The following FBXL16 variants were observed in gnomAD, a reference collection of about 807,000 sequenced individuals.
The protein encoded by FBXL16 is F-box and leucine rich repeat protein 16.
A neutral mutation model predicts 36.7 loss-of-function variants in FBXL16; 7 were observed. The observed-to-expected ratio is 0.19, with a 90% CI of 0.11 to 0.36. The LOEUF (loss-of-function observed/expected upper bound fraction) is 0.36, where lower values mean the gene tolerates loss of function less well. FBXL16 is among the 10% of genes least tolerant of loss of function. FBXL16 has a pLI of 1.00. For synonymous variants in FBXL16, 355 were observed against 308.7 expected, an observed-to-expected ratio of 1.15 and a Z score of -1.57; for missense variants, 463 against 659.4, an observed-to-expected ratio of 0.70 and a Z score of 3.26.
At chr16:704,503 C>A (rs1375086428) in intron 1 of FBXL16, among the ~76,000 whole-genome samples, 1 of 152,198 alleles carries the variant, frequency 6.6e-6, no homozygotes, top group African/African-American at 2.4e-5. Context: ...CCTGTGTCCA[C>A]CTCTGGCCAG....
At chr16:704,412 G>A (rs1302287833) in intron 1 of FBXL16, among the ~76,000 whole-genome samples, 1 of 152,140 alleles carries the variant, frequency 6.6e-6, no homozygotes, top group Non-Finnish European at 1.5e-5. Context: ...TGGGGCAAGT[G>A]AGTCCTAGGG....
intron 2 of FBXL16, among the ~76,000 whole-genome samples, chr16:696,363 C>T (rs891324844): frequency 8.5e-5 from 13 of 152,130 alleles, no homozygotes; most frequent in Middle Eastern, 3.2e-3. Flanking sequence ...CGGGTTCAAG[C>T]GATTCTCCTG....
rs185022911 is a variant in FBXL16 at position 703,688 on chromosome 16, G to T, written c.-15+1824C>A. 9.4e-4 allele frequency among the ~76,000 whole-genome samples: 143 copies of T among 152,372 alleles called. 1 individual carries two copies. The highest frequency in any genetic ancestry group is 3.2e-3 in the African/African-American group (135 of 41,588). On this transcript the variant is annotated intron_variant, in intron 1 of 5. Transcript: ENST00000397621. Reference sequence around the variant, plus strand: ...GCCCCCAGTTTGAGATGCTTCTGGGGGTGCACCAGGGGCTCTGAGGAGGGG... The same window carrying T: ...GCCCCCAGTTTGAGATGCTTCTGGGTGTGCACCAGGGGCTCTGAGGAGGGG...
At chr16:694,929 G>A (rs539096605) in intron 4 of FBXL16, 63 bp downstream of exon 4, 118 of 1,456,144 alleles carry the variant, frequency 8.1e-5, no homozygotes, top group Middle Eastern at 4.0e-4. Flanking sequence ...GTGGGGCCGG[G>A]AGCTCTCCCC....
At chr16:704,920 C>T (rs2040080752) in intron 1 of FBXL16, among the ~76,000 whole-genome samples, 1 of 152,224 alleles carries the variant, frequency 6.6e-6, no homozygotes, top group South Asian at 2.1e-4. Context: ...GGACACCGGA[C>T]CCCTCCCGAG....
In FBXL16 at chr16:694,355, GCTCCAGCTC is replaced by G. The variant is rs1326199813; in HGVS notation, c.1351_1359del (p.Glu451_Glu453del). 6.5e-7 allele frequency: 1 copy of G among 1,536,218 alleles called. No homozygotes were observed. The highest frequency in any genetic ancestry group is 8.7e-7 in the Non-Finnish European group (1 of 1,150,762). On this transcript the variant is annotated inframe_deletion, in exon 6 of 6. Transcript: ENST00000397621. ...GGGGTGGCCCCGGGGCAGTTGGTCA[GCTCCAGCTC>G]CTCCAGCTCCTGCAGCTGCACCAGG...
rs1467353885 is a variant in FBXL16 at position 695,879 on chromosome 16, C to G, written c.678G>C (p.Ser226=). 6 of 1,601,750 alleles carry G rather than the reference C, an allele frequency of 3.7e-6. No homozygotes were observed. The highest frequency in any genetic ancestry group is 3.3e-5 in the Admixed American group (2 of 59,738). The change falls in exon 3 of 6, where the codon TCG becomes TCC. Residue 226 remains serine (S), a synonymous_variant. Transcript: ENST00000397621. ...QMQGVVRLEL[S]GCNDFTEAGL... ...CGGCCTCGGTGAAGTCGTTGCAGCC[C>G]GACAGCTCCAGACGCACCACGCCCT... is the stretch of plus-strand genomic sequence containing the variant.
intron 2 of FBXL16, 106 bp from the exon 3 acceptor site, chr16:696,029 T>G (rs1030364303): frequency 7.0e-7 from 1 of 1,429,350 alleles, no homozygotes. Flanking sequence ...CTGAAAACAT[T>G]TGGCAGTGTG....
chr16:694,098 A>C lies in FBXL16; in HGVS notation c.*177T>G. Reference sequence around the variant, plus strand: ...CCCCCCTGCCCGGGGCGGGGCTGGGAGGGCGGAGGGACCGAAGGTCGGGGA... The same window carrying C: ...CCCCCCTGCCCGGGGCGGGGCTGGGCGGGCGGAGGGACCGAAGGTCGGGGA... On this transcript the variant is annotated 3_prime_UTR_variant, in exon 6 of 6. Transcript: ENST00000397621. 4 of 302,140 alleles carry C rather than the reference A, an allele frequency of 1.3e-5. No individual in the cohort carries two copies. Among genetic ancestry groups the C allele is most frequent in the Non-Finnish European group, 1.2e-5 (2 of 166,378 alleles). 18.7% of individuals were successfully genotyped at this position (302,140 alleles called of 1,614,324 possible).
intron 1 of FBXL16, among the ~76,000 whole-genome samples, chr16:700,839 T>C (rs917963741): frequency 1.3e-5 from 2 of 152,034 alleles, no homozygotes; most frequent in African/African-American, 4.8e-5. Flanking sequence ...AGGCCCGGGC[T>C]GGCTTCCACC....
Position 697,363 on chromosome 16 carries a change from A to G in FBXL16, c.43T>C (p.Leu15=). 1.3e-6 allele frequency: 2 copies of G among 1,537,148 alleles called. No individual in the cohort carries two copies. Among genetic ancestry groups the G allele is most frequent in the Non-Finnish European group, 8.7e-7 (1 of 1,147,778 alleles). The part of the protein sequence containing the change: ...GIDGDPKPPC[L]PRNGLVKLPG... ...AGCTTCACCAGACCGTTTCGAGGCA[A>G]GCATGGAGGCTTGGGGTCGCCGTCG... Residue 15 remains leucine, a synonymous_variant, in exon 2 of 6, where the codon TTG becomes CTG. Transcript: ENST00000397621. This position sits in a 1 kb window ranked among gnomAD's most constrained non-coding sequence, Gnocchi z 4.6.
Position 697,457 on chromosome 16 carries a change from C to T in FBXL16, c.-14-38G>A, listed in dbSNP as rs2040023113. On this transcript the variant is annotated intron_variant, in intron 1 of 5. Transcript: ENST00000397621. This position sits in a 1 kb window ranked among gnomAD's most constrained non-coding sequence, Gnocchi z 4.6. ...GCCGGGAGGGGGAGTGAGTCTGTTG[C>T]TGAGTCTGGAAGGCCGGGGTTGGGG... is the stretch of plus-strand genomic sequence containing the variant. The T allele has an allele frequency of 1.3e-6, 2 of 1,493,780 alleles. No individual in the cohort carries two copies. Among genetic ancestry groups the T allele is most frequent in the Non-Finnish European group, 1.8e-6 (2 of 1,124,142 alleles). 92.5% of individuals were successfully genotyped at this position (1,493,780 alleles called of 1,614,324 possible).
chr16:699,610 C>T (rs2040041192), intron 1 of FBXL16, among the ~76,000 whole-genome samples: 1 of 152,182 alleles, frequency 6.6e-6, no homozygotes, highest in Non-Finnish European at 1.5e-5. Flanking sequence ...ATAGCAAGGT[C>T]TGGGAGAGTG....
At chr16:703,330 C>T (rs765369626) in intron 1 of FBXL16, among the ~76,000 whole-genome samples, 1 of 152,222 alleles carries the variant, frequency 6.6e-6, no homozygotes, top group African/African-American at 2.4e-5. Context: ...TCAGCGCCCC[C>T]AGTTTGAAGG....
At chr16:703,895 C>T (rs756005946) in intron 1 of FBXL16, among the ~76,000 whole-genome samples, 70 of 152,256 alleles carry the variant, frequency 4.6e-4, no homozygotes, top group Admixed American at 2.9e-3. Context: ...CCCTCAGAGG[C>T]GAGGCCTGGG....
At chr16:695,206 T>C in intron 3 of FBXL16, 130 bp from the exon 4 acceptor site, 1 of 1,184,212 alleles carries the variant, frequency 8.4e-7, no homozygotes, top group South Asian at 1.5e-5. Context: ...CCCTCCTCGC[T>C]CCCACCCACC....
intron 1 of FBXL16, among the ~76,000 whole-genome samples, chr16:701,066 G>C (rs1424091698): frequency 6.6e-6 from 1 of 152,172 alleles, no homozygotes; most frequent in Non-Finnish European, 1.5e-5. Context: ...CGCCGGGGCT[G>C]GGGGAGGCAT....
Position 705,772 on chromosome 16 carries a change from C to G in FBXL16, c.-275G>C, listed in dbSNP as rs1478143343. ...GGCTGTGCCCAGATAAATAAGGCCGCTTTGCAGGGAACCAGGCGGGCGCCT... is the reference window on the plus strand; with the variant it reads ...GGCTGTGCCCAGATAAATAAGGCCGGTTTGCAGGGAACCAGGCGGGCGCCT... On this transcript the variant is annotated 5_prime_UTR_variant, in exon 1 of 6. Transcript: ENST00000397621. The G allele has an allele frequency of 6.7e-6, 1 of 149,020 alleles. No individual in the cohort carries two copies. Among genetic ancestry groups the G allele is most frequent in the South Asian group, 2.0e-4 (1 of 4,924 alleles). 9.2% of individuals were successfully genotyped at this position (149,020 alleles called of 1,614,324 possible).
Position 694,867 on chromosome 16 carries a change from G to A in FBXL16, c.1227+125C>T, listed in dbSNP as rs1307728237. ...GGGGCCGCCGGGACCCCTGCGTTCC[G>A]CTTAGGTCGGCTGCTGGATAGGGAG... On this transcript the variant is annotated intron_variant, in intron 4 of 5. Coordinates refer to ENST00000397621, the MANE Select transcript of FBXL16 (RefSeq NM_153350.4). 3 of 1,257,248 alleles carry A rather than the reference G, an allele frequency of 2.4e-6. No homozygotes were observed. In the African/African-American group the frequency reaches 4.5e-5, roughly 19 times the overall value. 77.9% of individuals were successfully genotyped at this position (1,257,248 alleles called of 1,614,324 possible). A position where few individuals can be genotyped will look rare whatever the true frequency, so the allele number is the denominator to read the frequency against.
Sources: allele counts gnomAD v4.1 joint callset (sites outside exome capture counted in the v4.1 genomes callset), GRCh38; gene constraint gnomAD v4.1.1; non-coding constraint Gnocchi (gnomAD v3.1); transcripts MANE v1.5; gene names NCBI Gene and HGNC (gene_info 2026-07-23, HGNC 2026-07-21).